Variants in ANKRD26 observed in about 807,000 individuals in gnomAD.
The protein encoded by ANKRD26 is ankyrin repeat domain-containing protein 26.
A neutral mutation model predicts 208.7 loss-of-function variants in ANKRD26; 141 were observed. The observed-to-expected ratio is 0.68, with a 90% CI of 0.59 to 0.78. The LOEUF is 0.78. Ranked by LOEUF, ANKRD26 falls within the 30% of genes least tolerant of loss-of-function variation. The pLI is 0.00. For missense variants in ANKRD26, 1,889 were observed against 1,938.7 expected, an observed-to-expected ratio of 0.97 and a Z score of 0.48; for synonymous variants, 636 against 660.4, an observed-to-expected ratio of 0.96 and a Z score of 0.57.
At chr10:26,949,689 G>C in the ANKRD26 span, among the ~76,000 whole-genome samples, 4 of 152,174 alleles carry the variant, frequency 2.6e-5, no homozygotes, top group Non-Finnish European at 5.9e-5. Flanking sequence ...ATTTTTAGTA[G>C]AGATGGGCTT....
At chr10:27,080,345 A>C (rs564870023) in intron 6 of ANKRD26, among the ~76,000 whole-genome samples, 5 of 152,152 alleles carry the variant, frequency 3.3e-5, no homozygotes, top group African/African-American at 7.2e-5. Flanking sequence ...CTTCACCCTA[A>C]AACAGTATAA....
downstream of ANKRD26, among the ~76,000 whole-genome samples, chr10:27,002,015 A>T (rs2052736055): frequency 6.6e-6 from 1 of 152,206 alleles, no homozygotes; most frequent in African/African-American, 2.4e-5. Flanking sequence ...GGATAGAATG[A>T]GGTATCAAAG....
chr10:27,080,555 A>C, intron 6 of ANKRD26: 1 of 900,640 alleles, frequency 1.1e-6, no homozygotes, highest in Non-Finnish European at 1.3e-6. Flanking sequence ...AGATACCTAA[A>C]GAGAAAGAAT....
In ANKRD26 at chr10:27,054,677, G is replaced by A. The variant is rs1048743943; in HGVS notation, c.1565-1287C>T. On this transcript the variant is annotated intron_variant, in intron 15 of 33. Transcript: ENST00000376087. ...GGTTAGCCAGACTAAAAGGGGTAAA[G>A]GGCAGGAAAGGGTAACAGCATGCAA... Among the ~76,000 whole-genome samples the A allele has an allele frequency of 2.0e-5, 3 of 152,172 alleles. No individual in the cohort carries two copies. The East Asian group carries it at 5.8e-4, about 29-fold the overall frequency.
Position 27,013,043 on chromosome 10 carries a change from A to G in ANKRD26, c.4792T>C (p.Phe1598Leu), listed in dbSNP as rs1422442495. The change falls in exon 32 of 34, where the codon TTC becomes CTC. Residue 1598 changes from phenylalanine (F) to leucine (L), a missense_variant. Physicochemically the swap from Phe to Leu is conservative, Grantham distance 22. Transcript: ENST00000376087. ...LVEKQQSRSL[F>L]TTLTTRPVME... Reference sequence around the variant, plus strand: ...ACTGGCCTGGTAGTGAGAGTGGTGAACAAAGATCTGCTCTGCTGTTTTTCC... The same window carrying G: ...ACTGGCCTGGTAGTGAGAGTGGTGAGCAAAGATCTGCTCTGCTGTTTTTCC... The G allele has an allele frequency of 6.2e-7, 1 of 1,614,060 alleles. No individual in the cohort carries two copies. Among genetic ancestry groups the G allele is most frequent in the Non-Finnish European group, 8.5e-7 (1 of 1,179,968 alleles).
chr10:27,005,378 G>C lies in ANKRD26; in HGVS notation c.*212C>G, dbSNP rs2052836055. 7.8e-7 allele frequency: 1 copy of C among 1,285,288 alleles called. No individual in the cohort carries two copies. The highest frequency in any genetic ancestry group is 3.6e-5 in the East Asian group (1 of 27,686). The allele number at this position is 1,285,288 out of a possible 1,614,324, so 79.6% of individuals were successfully genotyped here. ...TAAACAGCTCACATTTGGGCAGTTT[G>C]AGTATGTAAAACTCAATATTCCTGG... is the stretch of plus-strand genomic sequence containing the variant. On this transcript the variant is annotated 3_prime_UTR_variant, in exon 34 of 34. Coordinates refer to ENST00000376087, the MANE Select transcript of ANKRD26 (RefSeq NM_014915.3).
chr10:27,083,933 G>A (rs775627649), intron 5 of ANKRD26, among the ~76,000 whole-genome samples: 12 of 152,210 alleles, frequency 7.9e-5, no homozygotes, highest in Non-Finnish European at 1.6e-4. Context: ...ATAGCACCTA[G>A]GCCGGGTGCA....
At chr10:27,054,002 A>AT (rs918599272) in intron 15 of ANKRD26, among the ~76,000 whole-genome samples, 2 of 151,912 alleles carry the variant, frequency 1.3e-5, no homozygotes, top group East Asian at 1.9e-4. Context: ...ATTTTGACAA[A>AT]TTTTTTTTCA....
chr10:26,970,880 G>A (rs115586500), downstream of ANKRD26, among the ~76,000 whole-genome samples: 1 of 152,178 alleles, frequency 6.6e-6, no homozygotes, highest in Non-Finnish European at 1.5e-5. Flanking sequence ...TGAGGAAAGA[G>A]GAAGTAAGGG....
chr10:27,032,488 T>C (rs905628128), intron 25 of ANKRD26, among the ~76,000 whole-genome samples: 11 of 151,896 alleles, frequency 7.2e-5, no homozygotes, highest in African/African-American at 1.2e-4. Flanking sequence ...ATACAAAAAT[T>C]AGCCAGGCGT....
At chr10:26,951,945 A>G in the ANKRD26 span, among the ~76,000 whole-genome samples, 7 of 152,150 alleles carry the variant, frequency 4.6e-5, no homozygotes, top group African/African-American at 1.7e-4. Flanking sequence ...CCCAGAGTTT[A>G]TACCCCCTTC....
At chr10:26,964,844 T>G in the ANKRD26 span, among the ~76,000 whole-genome samples, 1,406 of 152,328 alleles carry the variant, frequency 9.2e-3, 10 homozygotes, top group Middle Eastern at 0.037. Context: ...CACAGATGGG[T>G]TAAACCAGAG....
In ANKRD26 at chr10:27,004,545, C is replaced by T. The variant is rs1467318056; in HGVS notation, c.*1045G>A. 6.6e-6 allele frequency: 1 copy of T among 152,108 alleles called. No homozygotes were observed. The highest frequency in any genetic ancestry group is 1.5e-5 in the Non-Finnish European group (1 of 68,012). 9.4% of individuals were successfully genotyped at this position (152,108 alleles called of 1,614,324 possible). A position where few individuals can be genotyped will look rare whatever the true frequency, so the allele number is the denominator to read the frequency against. On this transcript the variant is annotated 3_prime_UTR_variant, in exon 34 of 34. Coordinates refer to ENST00000376087, the MANE Select transcript of ANKRD26 (RefSeq NM_014915.3). ...CAGATACCACTGTTAGTGATCAATG[C>T]TAACATTACCAGTAACAGGGCAAAT...
chr10:27,077,362 C>G lies in ANKRD26; in HGVS notation c.1053G>C (p.Ser351=). Residue 351 remains serine, a synonymous_variant, in exon 9 of 34, where the codon TCG becomes TCC. Transcript: ENST00000376087. ...CCTTCATAAGACCAGGGTTTGCTAA[C>G]GACTTGTGGGAAGGTTTTGGAAGAA... The part of the protein sequence containing the change: ...PDLLPKPSHK[S]LANPGLMKEE... 3 of 1,613,880 alleles carry G rather than the reference C, an allele frequency of 1.9e-6. No individual in the cohort carries two copies. Among genetic ancestry groups the G allele is most frequent in the Non-Finnish European group, 2.5e-6 (3 of 1,179,872 alleles).
the ANKRD26 span, among the ~76,000 whole-genome samples, chr10:26,962,088 T>C: frequency 1.3e-5 from 2 of 152,082 alleles, no homozygotes; most frequent in Non-Finnish European, 2.9e-5. Flanking sequence ...ACAAGGGCTT[T>C]CCAGACAGAG....
intron 33 of ANKRD26, among the ~76,000 whole-genome samples, chr10:27,006,161 G>C (rs147255131): frequency 5.9e-5 from 9 of 152,146 alleles, no homozygotes; most frequent in African/African-American, 2.2e-4. Flanking sequence ...AGTCAATAAC[G>C]TAGGCTTTTT....
At chr10:27,098,552 C>CTTT (rs34288994) in intron 1 of ANKRD26, among the ~76,000 whole-genome samples, 2,058 of 144,360 alleles carry the variant, frequency 0.014, 29 homozygotes, top group Non-Finnish European at 0.019. Context: ...AATTTTACCA[C>CTTT]TTTTTTTTTT....
At chr10:26,950,265 C>G in the ANKRD26 span, among the ~76,000 whole-genome samples, 1 of 150,608 alleles carries the variant, frequency 6.6e-6, no homozygotes, top group African/African-American at 2.5e-5. Flanking sequence ...CCTCTTTGCT[C>G]TCTCTCTCTC....
intron 4 of ANKRD26, among the ~76,000 whole-genome samples, chr10:26,981,366 G>A (rs1406591639): frequency 6.6e-6 from 1 of 152,208 alleles, no homozygotes; most frequent in Non-Finnish European, 1.5e-5. Context: ...GTGCTGAAGA[G>A]GGCTGTGTGC....
Sources: allele counts gnomAD v4.1 joint callset (sites outside exome capture counted in the v4.1 genomes callset), GRCh38; gene constraint gnomAD v4.1.1; transcripts MANE v1.5; gene names NCBI Gene and HGNC (gene_info 2026-07-23, HGNC 2026-07-21).